Variants in SLC38A10 observed in about 807,000 individuals in gnomAD.
SLC38A10 encodes the protein Sodium-coupled neutral amino acid transporter 10.
SLC38A10 carries 53 observed loss-of-function variants against 81.0 expected under a neutral mutation model. The ratio of observed to expected loss-of-function variants is 0.65; its 90% CI spans 0.53 to 0.82. SLC38A10 has a LOEUF of 0.82. SLC38A10 is among the 40% of genes least tolerant of loss of function. The pLI is 0.00. For synonymous variants in SLC38A10, 665 were observed against 655.3 expected, an observed-to-expected ratio of 1.01 and a Z score of -0.23; for missense variants, 1,471 against 1,545.0, an observed-to-expected ratio of 0.95 and a Z score of 0.80.
intron 8 of SLC38A10, among the ~76,000 whole-genome samples, chr17:81,275,560 C>G (rs1032777493): frequency 6.6e-5 from 10 of 150,896 alleles, no homozygotes; most frequent in Admixed American, 5.9e-4. Context: ...GGTGAAACCC[C>G]ATCTCTACTA....
chr17:81,289,777 A>G lies in SLC38A10; in HGVS notation c.131T>C (p.Val44Ala). ...CGIVLGALLLVFCSWMTHQSC... is the reference protein window; with the variant it reads ...CGIVLGALLLAFCSWMTHQSC... ...CTGGTGCGTCATCCATGAGCAGAAG[A>G]CCAAGAGCAGCGCCCCCAGGACGAT... The change falls in exon 2 of 16, where the codon GTC becomes GCC. Residue 44 changes from valine to alanine, a missense_variant. By Grantham distance (64) the Val-to-Ala change is moderately conservative. Transcript: ENST00000374759. The surrounding 1 kb of genome is among the most constrained non-coding windows in gnomAD (Gnocchi z 5.9). 1.2e-6 allele frequency: 2 copies of G among 1,608,484 alleles called. No individual in the cohort carries two copies. The highest frequency in any genetic ancestry group is 2.0e-4 in the Middle Eastern group (1 of 5,078).
chr17:81,264,135 C>A (rs1338362728), intron 10 of SLC38A10: 5 of 152,464 alleles, frequency 3.3e-5, no homozygotes, highest in African/African-American at 1.2e-4. Flanking sequence ...CCCTCGGAAT[C>A]CCGAATAAGG....
At position 81,249,944 on chromosome 17, in the gene SLC38A10, C is replaced by T. The variant is rs749995386; in HGVS notation, c.2065+1549G>A. On this transcript the variant is annotated intron_variant, in intron 14 of 15. Coordinates refer to ENST00000374759, the MANE Select transcript of SLC38A10 (RefSeq NM_001037984.3). The stretch of plus-strand genomic sequence containing the variant: ...GCTGAGCCTGGGTGCGTGCGCAGGT[C>T]TGGGGCCTGACACGTGTCCCCATGC... The T allele has an allele frequency of 6.0e-6, 5 of 838,172 alleles. No individual in the cohort carries two copies. The South Asian group carries it at 8.3e-5, about 14-fold the overall frequency. 51.9% of individuals were successfully genotyped at this position (838,172 alleles called of 1,614,324 possible).
At position 81,289,882 on chromosome 17, in the gene SLC38A10, C is replaced by CTCATGAGGG; in HGVS notation, c.100-75_100-74insCCCTCATGA. 1.6e-6 allele frequency: 2 copies of CTCATGAGGG among 1,239,192 alleles called. No individual in the cohort carries two copies. 76.8% of individuals were successfully genotyped at this position (1,239,192 alleles called of 1,614,324 possible). A position where few individuals can be genotyped will look rare whatever the true frequency, so the allele number is the denominator to read the frequency against. ...AGAGGCCCTCACCCCACACACGCGG[C>CTCATGAGGG]TCATGAGGACCCTCTTCACCCCCAG... is the stretch of plus-strand genomic sequence containing the variant. On this transcript the variant is annotated intron_variant, in intron 1 of 15. Coordinates refer to ENST00000374759, the MANE Select transcript of SLC38A10 (RefSeq NM_001037984.3). The surrounding 1 kb of genome is among the most constrained non-coding windows in gnomAD (Gnocchi z 5.9).
At chr17:81,269,616 T>C (rs769034061) in intron 10 of SLC38A10, among the ~76,000 whole-genome samples, 11 of 152,144 alleles carry the variant, frequency 7.2e-5, no homozygotes, top group Non-Finnish European at 1.6e-4. Flanking sequence ...GAGGCATCCA[T>C]AGGGAGCTCT....
chr17:81,272,091 G>A (rs1567938666), intron 9 of SLC38A10, among the ~76,000 whole-genome samples: 1 of 151,340 alleles, frequency 6.6e-6, no homozygotes, highest in Non-Finnish European at 1.5e-5. Flanking sequence ...GGAGTGCAAT[G>A]GCGCAATCTT....
At chr17:81,273,325 G>A (rs1208827438) in intron 8 of SLC38A10, among the ~76,000 whole-genome samples, 1 of 152,086 alleles carries the variant, frequency 6.6e-6, no homozygotes, top group Non-Finnish European at 1.5e-5. Context: ...TCTAGTACAG[G>A]ACACAGGAGC....
intron 10 of SLC38A10, among the ~76,000 whole-genome samples, chr17:81,268,787 T>C (rs200761698): frequency 0.067 from 10,108 of 150,288 alleles, 372 homozygotes; most frequent in East Asian, 0.13. Flanking sequence ...TTGAAAGTTT[T>C]CCCTCAAAAA....
At chr17:81,274,393 AGGGAGACCCACCGCCCCCAATGT>A (rs1208400741) in intron 8 of SLC38A10, among the ~76,000 whole-genome samples, 1 of 152,242 alleles carries the variant, frequency 6.6e-6, no homozygotes, top group Non-Finnish European at 1.5e-5. Flanking sequence ...CCCAAGGCCC[AGGGAGACCCACCGCCCCCAATGT>A]GGCTGCTGGA....
intron 10 of SLC38A10, among the ~76,000 whole-genome samples, chr17:81,269,945 C>G (rs1362833505): frequency 1.3e-5 from 2 of 151,838 alleles, no homozygotes; most frequent in African/African-American, 2.4e-5. Context: ...GCTTGGGCAA[C>G]AAGAGTGAAA....
chr17:81,248,215 G>A (rs568973330), intron 14 of SLC38A10, among the ~76,000 whole-genome samples: 8 of 152,094 alleles, frequency 5.3e-5, no homozygotes, highest in African/African-American at 1.2e-4. Context: ...CCTCAGCCTC[G>A]CAAAGTGCTG....
rs952153463 is a variant in SLC38A10 at position 81,265,092 on chromosome 17, C to T, written c.1132-4698G>A. 8.5e-5 allele frequency: 13 copies of T among 152,458 alleles called. No individual in the cohort carries two copies. The highest frequency in any genetic ancestry group is 2.9e-4 in the African/African-American group (12 of 41,574). 9.4% of individuals were successfully genotyped at this position (152,458 alleles called of 1,614,324 possible). On this transcript the variant is annotated intron_variant, in intron 10 of 15. Transcript: ENST00000374759. This position sits in a 1 kb window ranked among gnomAD's most constrained non-coding sequence, Gnocchi z 4.2. ...ACTTTCTGACTTTCAAAATAAAGAA[C>T]CAAACAGGGCGGGCGTGGTGGCTCA...
At position 81,253,540 on chromosome 17, in the gene SLC38A10, G is replaced by GT. The variant is rs1305687942; in HGVS notation, c.1289-301dup. On this transcript the variant is annotated intron_variant, in intron 11 of 15. Coordinates refer to ENST00000374759, the MANE Select transcript of SLC38A10 (RefSeq NM_001037984.3). This position sits in a 1 kb window ranked among gnomAD's most constrained non-coding sequence, Gnocchi z 4.1. The stretch of plus-strand genomic sequence containing the variant: ...GAGCCCACCGACCCACTCTCCCACA[G>GT]TCCCCTCCATTACCATCACCTCCAT... 2.0e-5 allele frequency among the ~76,000 whole-genome samples: 3 copies of GT among 151,840 alleles called. No homozygotes were observed. The highest frequency in any genetic ancestry group is 2.1e-4 in the South Asian group (1 of 4,820).
At chr17:81,291,946 C>T (rs906924520) in intron 1 of SLC38A10, among the ~76,000 whole-genome samples, 7 of 152,170 alleles carry the variant, frequency 4.6e-5, no homozygotes, top group African/African-American at 1.2e-4. Context: ...TAGGCCGCCA[C>T]GGCCACAGAG....
intron 11 of SLC38A10, among the ~76,000 whole-genome samples, chr17:81,258,083 G>A (rs927812003): frequency 2.6e-5 from 4 of 152,338 alleles, no homozygotes; most frequent in Middle Eastern, 3.4e-3. Flanking sequence ...ATGGGGCCCC[G>A]GCTGTGCGCG....
chr17:81,294,917 G>C lies in SLC38A10; in HGVS notation c.5C>G (p.Thr2Ser). ...CCCCCAGTTGGAGGCGGCGGCCGCG[G>C]TCATAGTGAGAGGTCTAGGGGCCCG... The part of the protein sequence containing the change: M[T>S]AAAASNWGLI... The change falls in exon 1 of 16, where the codon ACC (threonine) becomes AGC (serine). Residue 2 changes from threonine (T) to serine (S), a missense_variant. Around this residue, in one of 2 missense-constraint regions of SLC38A10, gnomAD observed 720 missense variants for 827.7 expected, o/e 0.87. Coordinates refer to ENST00000374759, the MANE Select transcript of SLC38A10 (RefSeq NM_001037984.3). 6.3e-7 allele frequency: 1 copy of C among 1,592,442 alleles called. No homozygotes were observed. Among genetic ancestry groups the C allele is most frequent in the African/African-American group, 1.4e-5 (1 of 72,752 alleles).
At chr17:81,250,167 G>A (rs539781356) in intron 14 of SLC38A10, 2 of 1,257,134 alleles carry the variant, frequency 1.6e-6, no homozygotes, top group Admixed American at 5.1e-5. Flanking sequence ...TCAGAAAGAA[G>A]AAAATCAAAA....
intron 11 of SLC38A10, among the ~76,000 whole-genome samples, chr17:81,255,276 C>G (rs1315136075): frequency 6.6e-6 from 1 of 152,276 alleles, no homozygotes; most frequent in Admixed American, 6.5e-5. Context: ...CCTTCATGCC[C>G]GGCGCTCTGC....
In SLC38A10 at chr17:81,253,057, A is replaced by G. The variant is rs2062934492; in HGVS notation, c.1456+16T>C. On this transcript the variant is annotated intron_variant, in intron 12 of 15. Transcript: ENST00000374759. The surrounding 1 kb of genome is among the most constrained non-coding windows in gnomAD (Gnocchi z 4.1). Reference sequence around the variant, plus strand: ...GCCGCCCTTCCCCATCCGCACCCCCAGCCAGTGCCCAGCACCTTGCCCAGG... The same window carrying G: ...GCCGCCCTTCCCCATCCGCACCCCCGGCCAGTGCCCAGCACCTTGCCCAGG... 6.2e-7 allele frequency: 1 copy of G among 1,609,960 alleles called. No individual in the cohort carries two copies. Among genetic ancestry groups the G allele is most frequent in the African/African-American group, 1.3e-5 (1 of 74,886 alleles).
Sources: allele counts gnomAD v4.1 joint callset (sites outside exome capture counted in the v4.1 genomes callset), GRCh38; gene constraint gnomAD v4.1.1; regional missense constraint gnomAD v4.1.1; non-coding constraint Gnocchi (gnomAD v3.1); transcripts MANE v1.5; gene names NCBI Gene and HGNC (gene_info 2026-07-23, HGNC 2026-07-21).